Variants in ABCA5 observed in about 807,000 individuals in gnomAD.
ABCA5 encodes cholesterol transporter ABCA5.
Under a neutral mutation model 206.0 loss-of-function variants are expected in ABCA5, and 163 were observed. The ratio of observed to expected loss-of-function variants is 0.79; its 90% CI spans 0.70 to 0.90. ABCA5 has a LOEUF of 0.90. Among genes scored for constraint, ABCA5 ranks in the 40% least tolerant of loss-of-function variants. ABCA5 has a pLI of 0.00. For missense variants in ABCA5, 1,859 were observed against 1,912.9 expected (o/e 0.97, Z 0.53); for synonymous variants, 609 against 613.8 (o/e 0.99, Z 0.11).
chr17:69,247,433 T>G lies in ABCA5; in HGVS notation c.*104A>C. 1 of 717,440 alleles carries G rather than the reference T, an allele frequency of 1.4e-6. No homozygotes were observed. Among genetic ancestry groups the G allele is most frequent in the South Asian group, 1.8e-5 (1 of 55,522 alleles). 44.4% of individuals were successfully genotyped at this position (717,440 alleles called of 1,614,324 possible). On this transcript the variant is annotated 3_prime_UTR_variant, in exon 39 of 39. Transcript: ENST00000392676. ...GGAGCTTAGAAAAATTTCAAGTGCG[T>G]TCTTGGTTCTCCAGTTACCATTCCA... is the stretch of plus-strand genomic sequence containing the variant.
intron 4 of ABCA5, 85 bp from the exon 5 acceptor site, chr17:69,308,453 C>A: frequency 2.4e-6 from 2 of 843,998 alleles, no homozygotes; most frequent in Non-Finnish European, 1.9e-6. Context: ...GAGATACCTA[C>A]CAAAACAATA....
intron 18 of ABCA5, among the ~76,000 whole-genome samples, chr17:69,283,742 C>T (rs556079499): frequency 4.6e-4 from 69 of 151,444 alleles, no homozygotes; most frequent in Non-Finnish European, 8.4e-4. Context: ...TCAACAAAGT[C>T]CTTCCTGATG....
intron 8 of ABCA5, among the ~76,000 whole-genome samples, chr17:69,301,966 G>A (rs926527997): frequency 2.0e-5 from 3 of 152,080 alleles, no homozygotes; most frequent in Non-Finnish European, 2.9e-5. Flanking sequence ...CCTAGAGAAC[G>A]CGGACTCGGG....
intron 34 of ABCA5, 99 bp downstream of exon 34, chr17:69,253,474 A>T: frequency 1.4e-6 from 1 of 690,224 alleles, no homozygotes; most frequent in Non-Finnish European, 2.3e-6. Context: ...AATAGGATTT[A>T]AAATCAAGAT....
rs187820109 is a variant in ABCA5, at chr17:69,293,852, G to A, written c.1495+803C>T. On this transcript the variant is annotated intron_variant, in intron 11 of 38. Transcript: ENST00000392676. ...CATACTGGTGTGTGTGTGTGTGTGT[G>A]TGTGTGTGTGTGTGTGTGTGCGTGT... is the stretch of plus-strand genomic sequence containing the variant. Among the ~76,000 whole-genome samples, 33 of 107,892 alleles carry A rather than the reference G, an allele frequency of 3.1e-4. 1 individual carries two copies. Among genetic ancestry groups the A allele is most frequent in the Non-Finnish European group, 4.4e-4 (22 of 50,128 alleles). The allele number at this position is 107,892 out of a possible 152,430, so 70.8% of individuals were successfully genotyped here.
chr17:69,255,060 C>T (rs765642550), intron 31 of ABCA5, among the ~76,000 whole-genome samples: 23 of 152,082 alleles, frequency 1.5e-4, no homozygotes, highest in Non-Finnish European at 2.8e-4. Context: ...TGGGCAAAAA[C>T]CCAAAGAAAA....
chr17:69,264,732 T>C lies in ABCA5; in HGVS notation c.3315+3A>G, dbSNP rs2075189123. ...AGCATGAGTACAACTAACGTTAACT[T>C]ACCACAGCAAGGAACTTTACAGTAT... On this transcript the variant is annotated splice_donor_region_variant and intron_variant, in intron 24 of 38. Coordinates refer to ENST00000392676, the MANE Select transcript of ABCA5 (RefSeq NM_172232.4). 1 of 1,524,452 alleles carries C rather than the reference T, an allele frequency of 6.6e-7. No homozygotes were observed. The allele number at this position is 1,524,452 out of a possible 1,614,324, so 94.4% of individuals were successfully genotyped here.
chr17:69,273,932 C>T (rs1598166463), intron 20 of ABCA5, 27 bp downstream of exon 20: 2 of 1,576,886 alleles, frequency 1.3e-6, no homozygotes, highest in Non-Finnish European at 1.7e-6. Context: ...TGCCAACACT[C>T]GTTCACAGAC....
At position 69,326,187 on chromosome 17, in the gene ABCA5, C is replaced by T. The variant is rs1295744175; in HGVS notation, c.-16+865G>A. Among the ~76,000 whole-genome samples, 1 of 152,200 alleles carries T rather than the reference C, an allele frequency of 6.6e-6. No individual in the cohort carries two copies. Among genetic ancestry groups the T allele is most frequent in the Non-Finnish European group, 1.5e-5 (1 of 68,046 alleles). ...TAACCTCTTTGAGGCCCATTCTCCA[C>T]ACCTGCCCAACTGGAATAACCCCCT... On this transcript the variant is annotated intron_variant, in intron 1 of 38. Coordinates refer to ENST00000392676, the MANE Select transcript of ABCA5 (RefSeq NM_172232.4). The surrounding 1 kb of genome is among the most constrained non-coding windows in gnomAD (Gnocchi z 4.8).
At chr17:69,321,448 G>A (rs1231588834) in intron 1 of ABCA5, among the ~76,000 whole-genome samples, 8 of 152,168 alleles carry the variant, frequency 5.3e-5, no homozygotes, top group African/African-American at 1.9e-4. Context: ...ATTTAGCATG[G>A]AGCTATACAT....
intron 31 of ABCA5, among the ~76,000 whole-genome samples, chr17:69,254,768 C>T (rs11871525): frequency 6.6e-6 from 1 of 152,090 alleles, no homozygotes; most frequent in Non-Finnish European, 1.5e-5. Flanking sequence ...AAGTGATCCT[C>T]CTGCCTCAGC....
At chr17:69,316,272 C>T (rs1410238275) in intron 1 of ABCA5, among the ~76,000 whole-genome samples, 1 of 152,222 alleles carries the variant, frequency 6.6e-6, no homozygotes, top group Non-Finnish European at 1.5e-5. Context: ...GCAGACAGAT[C>T]ACCTGAGGTC....
intron 21 of ABCA5, 92 bp downstream of exon 21, chr17:69,271,070 T>C (rs2047348260): frequency 4.2e-6 from 6 of 1,436,028 alleles, no homozygotes; most frequent in Non-Finnish European, 4.6e-6. Flanking sequence ...TTCTAACTCA[T>C]AAGGTCAAAT....
Position 69,263,697 on chromosome 17 carries a change from C to CTTTTTTTTTTTTT in ABCA5, c.3315+1025_3315+1037dup, listed in dbSNP as rs58369537. ...GGCTTTGTTCTTTTTACATGGATTCCTTTTTTTTTTTTTTTTTGATAAAAA... is the reference window on the plus strand; with the variant it reads ...GGCTTTGTTCTTTTTACATGGATTCCTTTTTTTTTTTTTTTTTTTTTTTTTTTTTTGATAAAAA... On this transcript the variant is annotated intron_variant, in intron 24 of 38. Transcript: ENST00000392676. Among the ~76,000 whole-genome samples, 127 of 103,654 alleles carry CTTTTTTTTTTTTT rather than the reference C, an allele frequency of 1.2e-3. 9 individuals carry two copies. The highest frequency in any genetic ancestry group is 4.7e-3 in the African/African-American group (106 of 22,690). 68.0% of individuals were successfully genotyped at this position (103,654 alleles called of 152,430 possible).
chr17:69,285,211 AAATGTTACT>A (rs2075437162), intron 17 of ABCA5, among the ~76,000 whole-genome samples: 1 of 152,198 alleles, frequency 6.6e-6, no homozygotes, highest in South Asian at 2.1e-4. Flanking sequence ...AAGCACATAT[AAATGTTACT>A]AAAGAATAGG....
intron 35 of ABCA5, 128 bp from the exon 36 acceptor site, chr17:69,250,749 AG>A (rs1187562039): frequency 1.7e-6 from 1 of 602,920 alleles, no homozygotes; most frequent in East Asian, 3.4e-5. Flanking sequence ...AAGAAAATAC[AG>A]CATCCCCATA....
chr17:69,256,630 A>C (rs1422920237), intron 28 of ABCA5, among the ~76,000 whole-genome samples: 1 of 150,600 alleles, frequency 6.6e-6, no homozygotes, highest in Non-Finnish European at 1.5e-5. Flanking sequence ...TCATTTTTGT[A>C]TTTTTAGTAG....
intron 5 of ABCA5, 33 bp downstream of exon 5, chr17:69,308,245 CAT>C: frequency 7.5e-7 from 1 of 1,325,310 alleles, no homozygotes; most frequent in South Asian, 1.3e-5. Flanking sequence ...TTTAAAATGG[CAT>C]AGTTTTTGTA....
chr17:69,275,330 A>T (rs2075319809), intron 19 of ABCA5, among the ~76,000 whole-genome samples: 1 of 152,216 alleles, frequency 6.6e-6, no homozygotes, highest in African/African-American at 2.4e-5. Flanking sequence ...TCTGAAGAGC[A>T]GCTACTTATC....
Sources: gnomAD v4.1 joint callset for allele counts (sites outside exome capture counted in the v4.1 genomes callset) on GRCh38, gnomAD v4.1.1 for gene constraint, Gnocchi (gnomAD v3.1) non-coding constraint, MANE v1.5 for transcripts, NCBI Gene and HGNC (gene_info 2026-07-23, HGNC 2026-07-21) for gene names.